The following KAZN variants were observed in gnomAD, a reference collection of about 807,000 sequenced individuals.
KAZN encodes kazrin.
A neutral mutation model predicts 87.4 loss-of-function variants in KAZN; 40 were observed. The ratio of observed to expected loss-of-function variants is 0.46; its 90% confidence interval spans 0.36 to 0.60. The LOEUF (loss-of-function observed/expected upper bound fraction) is 0.60, where lower values mean the gene tolerates loss of function less well. Ranked by LOEUF, KAZN falls within the 20% of genes least tolerant of loss-of-function variation. The pLI, the probability that KAZN is intolerant of heterozygous loss-of-function variation, is 0.00. For missense variants in KAZN, 898 were observed against 1,073.9 expected, an observed-to-expected ratio of 0.84 and a Z score of 2.29; for synonymous variants, 466 against 458.3, an observed-to-expected ratio of 1.02 and a Z score of -0.22.
At chr1:15,057,237 A>G (rs1293067622) in intron 5 of KAZN, among the ~76,000 whole-genome samples, 1 of 152,232 alleles carries the variant, frequency 6.6e-6, no homozygotes, top group Non-Finnish European at 1.5e-5. Context: ...GCTGCTTACT[A>G]GAGGCATGAC....
intron 1 of KAZN, among the ~76,000 whole-genome samples, chr1:14,154,490 C>A (rs375874327): frequency 1.1e-3 from 171 of 152,100 alleles, no homozygotes; most frequent in African/African-American, 3.8e-3. Flanking sequence ...CCCTTTATTT[C>A]TTTCTTGTCT....
Position 14,113,430 on chromosome 1 carries a change from C to A in KAZN, c.92-67005C>A, listed in dbSNP as rs189006081. Among the ~76,000 whole-genome samples the A allele has an allele frequency of 2.2e-3, 342 of 152,256 alleles. 1 individual carries two copies. The highest frequency in any genetic ancestry group is 7.8e-3 in the African/African-American group (326 of 41,550). ...TAGGTCGTGACAAGTAAAGCACTTT[C>A]CCCGAAAAATGCAGGCGTACAATTA... On this transcript the variant is annotated intron_variant, in intron 1 of 16. Coordinates refer to the KAZN transcript ENST00000636203.
chr1:14,994,074 C>T (rs571723047), intron 2 of KAZN, among the ~76,000 whole-genome samples: 1 of 152,360 alleles, frequency 6.6e-6, no homozygotes, highest in South Asian at 2.1e-4. Context: ...CTGCTTTGAT[C>T]CCTGGGCCCC....
intron 1 of KAZN, among the ~76,000 whole-genome samples, chr1:14,677,156 C>T (rs1000680100): frequency 5.3e-5 from 8 of 151,906 alleles, no homozygotes; most frequent in Admixed American, 1.3e-4. Context: ...TAAAGAAGAC[C>T]GAGGATTAGA....
intron 2 of KAZN, among the ~76,000 whole-genome samples, chr1:14,514,330 ATTTATATATATATTTAT>A (rs1671088669): frequency 7.7e-5 from 1 of 12,968 alleles, no homozygotes; most frequent in Non-Finnish European, 2.4e-4. Flanking sequence ...GTCTCAAAAA[ATTTATATATATATTTAT>A]ATATATTATA....
intron 1 of KAZN, among the ~76,000 whole-genome samples, chr1:14,931,337 G>A (rs1328633655): frequency 2.0e-5 from 3 of 152,066 alleles, no homozygotes; most frequent in African/African-American, 2.4e-5. Context: ...CCAGCTACTC[G>A]GAAGGCTGAG....
At chr1:14,040,167 C>G (rs1384431173) in intron 1 of KAZN, among the ~76,000 whole-genome samples, 1 of 151,906 alleles carries the variant, frequency 6.6e-6, no homozygotes, top group Admixed American at 6.6e-5. Context: ...TCATGTTTAC[C>G]TGGCTCAGGC....
At position 14,203,108 on chromosome 1, in the gene KAZN, C is replaced by T. The variant is rs562378034; in HGVS notation, c.249+22516C>T. On this transcript the variant is annotated intron_variant, in intron 2 of 16. Transcript: ENST00000636203. ...ATGATAAAAAGTATGTTGCATTATACTAGATAATAAATAATAAGAAGCCTA... is the reference window on the plus strand; with the variant it reads ...ATGATAAAAAGTATGTTGCATTATATTAGATAATAAATAATAAGAAGCCTA... 4.6e-5 allele frequency among the ~76,000 whole-genome samples: 7 copies of T among 151,746 alleles called. No individual in the cohort carries two copies. In the South Asian group the frequency reaches 1.5e-3, roughly 32 times the overall value.
intron 2 of KAZN, among the ~76,000 whole-genome samples, chr1:14,260,644 A>G (rs1650941383): frequency 6.6e-6 from 1 of 152,206 alleles, no homozygotes; most frequent in Non-Finnish European, 1.5e-5. Flanking sequence ...CAAAGTCGTG[A>G]GTAAAGGACA....
intron 1 of KAZN, among the ~76,000 whole-genome samples, chr1:14,644,187 T>C: frequency 6.6e-6 from 1 of 151,356 alleles, no homozygotes; most frequent in Non-Finnish European, 1.5e-5. Flanking sequence ...ACTTTTTGTA[T>C]TTTTATTAGA....
chr1:13,954,302 G>T (rs1641462892), intron 1 of KAZN, among the ~76,000 whole-genome samples: 1 of 152,230 alleles, frequency 6.6e-6, no homozygotes, highest in African/African-American at 2.4e-5. Flanking sequence ...CATTGGCATT[G>T]CTTCCAGCTG....
In KAZN at chr1:15,099,733, T is replaced by C. The variant is rs1230963012; in HGVS notation, c.1548-1810T>C. Among the ~76,000 whole-genome samples the C allele has an allele frequency of 6.6e-6, 1 of 152,066 alleles. No homozygotes were observed. The highest frequency in any genetic ancestry group is 1.9e-4 in the East Asian group (1 of 5,186). On this transcript the variant is annotated intron_variant, in intron 10 of 14. Transcript: ENST00000376030. The surrounding 1 kb of genome is among the most constrained non-coding windows in gnomAD (Gnocchi z 5.4). ...TGAGCAGGGGAGTGCACGGTCACAC[T>C]GACATTTTAAAAGGACCCCCTGGTG...
At chr1:14,646,725 G>A (rs765807762) in intron 1 of KAZN, among the ~76,000 whole-genome samples, 5 of 152,170 alleles carry the variant, frequency 3.3e-5, no homozygotes, top group Non-Finnish European at 7.3e-5. Flanking sequence ...ATGTCCATAG[G>A]AACAAGGCGT....
At chr1:14,677,027 G>A (rs1037411501) in intron 1 of KAZN, among the ~76,000 whole-genome samples, 1 of 152,138 alleles carries the variant, frequency 6.6e-6, no homozygotes, top group African/African-American at 2.4e-5. Flanking sequence ...CCATAGCATT[G>A]GAGTGTTACC....
chr1:15,084,019 CTTTAT>C (rs1347490619), intron 8 of KAZN, among the ~76,000 whole-genome samples: 13 of 152,224 alleles, frequency 8.5e-5, no homozygotes, highest in Non-Finnish European at 1.5e-4. Flanking sequence ...CCCTTTGCCC[CTTTAT>C]TCCTGGGGGA....
intron 2 of KAZN, among the ~76,000 whole-genome samples, chr1:14,323,033 T>C (rs1264154937): frequency 1.3e-5 from 2 of 152,096 alleles, no homozygotes; most frequent in East Asian, 3.9e-4. Flanking sequence ...GAAGAGCCCC[T>C]TATATAATAA....
Position 14,918,748 on chromosome 1 carries a change from A to C in KAZN, c.227-41936A>C, listed in dbSNP as rs868053057. 6.0e-5 allele frequency among the ~76,000 whole-genome samples: 8 copies of C among 133,792 alleles called. No homozygotes were observed. The South Asian group carries it at 1.0e-3, about 17-fold the overall frequency. The allele number at this position is 133,792 out of a possible 152,430, so 87.8% of individuals were successfully genotyped here. Reference sequence around the variant, plus strand: ...TATATATATATATATATATATATATATCCTGGGAGGAATTGCATCTTGCCA... The same window carrying C: ...TATATATATATATATATATATATATCTCCTGGGAGGAATTGCATCTTGCCA... On this transcript the variant is annotated intron_variant, in intron 1 of 14. Transcript: ENST00000376030.
At chr1:14,643,341 AC>A (rs1235329878) in intron 1 of KAZN, among the ~76,000 whole-genome samples, 1 of 151,898 alleles carries the variant, frequency 6.6e-6, no homozygotes, top group Non-Finnish European at 1.5e-5. Flanking sequence ...CTTCAAGTAG[AC>A]CCCATTGTCT....
chr1:14,297,700 C>T (rs1190911653), intron 2 of KAZN, among the ~76,000 whole-genome samples: 1 of 152,206 alleles, frequency 6.6e-6, no homozygotes, highest in African/African-American at 2.4e-5. Context: ...ACCCCATCTC[C>T]TCTTTCTCAC....
Sources: gnomAD v4.1 joint callset for allele counts (sites outside exome capture counted in the v4.1 genomes callset) on GRCh38, gnomAD v4.1.1 for gene constraint, Gnocchi (gnomAD v3.1) non-coding constraint, MANE v1.5 for transcripts, NCBI Gene and HGNC (gene_info 2026-07-23, HGNC 2026-07-21) for gene names.